RALYL: variants seen among roughly 807,000 people sequenced by gnomAD.
The protein encoded by RALYL is RALY RNA binding protein like.
In RALYL, 29 loss-of-function variants were observed where a neutral mutation model predicts 35.1. That is an observed-to-expected ratio of 0.83 (90% CI 0.61 to 1.13). The LOEUF is 1.13. Ranked by LOEUF, RALYL falls within the 50% of genes most tolerant of loss-of-function variation. The probability of loss-of-function intolerance (pLI) is 0.00; values close to 1 mark genes in which losing one functional copy is unlikely to be tolerated. For synonymous variants in RALYL, 120 were observed against 127.6 expected, an observed-to-expected ratio of 0.94 and a Z score of 0.40; for missense variants, 359 against 360.4, an observed-to-expected ratio of 1.00 and a Z score of 0.03.
chr8:84,387,118 T>TTATTGG, intron 1 of RALYL, among the ~76,000 whole-genome samples: 1 of 151,996 alleles, frequency 6.6e-6, no homozygotes, highest in South Asian at 2.1e-4. Context: ...TTGGAAGGAT[T>TTATTGG]AGAGGTAATG....
chr8:84,240,970 C>T (rs181975681), intron 1 of RALYL, among the ~76,000 whole-genome samples: 1 of 151,950 alleles, frequency 6.6e-6, no homozygotes, highest in African/African-American at 2.4e-5. Flanking sequence ...GGGAAAAATT[C>T]TATTAAATAT....
chr8:84,307,416 G>A (rs1842025208), intron 1 of RALYL, among the ~76,000 whole-genome samples: 4 of 152,048 alleles, frequency 2.6e-5, no homozygotes, highest in Non-Finnish European at 4.4e-5. Flanking sequence ...CAGAAAATTA[G>A]AGATTAAATA....
intron 8 of RALYL, among the ~76,000 whole-genome samples, chr8:84,911,763 C>T (rs2135696599): frequency 6.6e-6 from 1 of 152,206 alleles, no homozygotes; most frequent in Admixed American, 6.6e-5. Flanking sequence ...CCCATGTACC[C>T]CCTCCTTGTG....
intron 1 of RALYL, among the ~76,000 whole-genome samples, chr8:84,495,662 T>A (rs2055919729): frequency 6.6e-6 from 1 of 152,116 alleles, no homozygotes; most frequent in South Asian, 2.1e-4. Context: ...GACCTTTCAT[T>A]TTTGTTTACC....
intron 4 of RALYL, among the ~76,000 whole-genome samples, chr8:84,843,225 C>G (rs1246644765): frequency 6.6e-6 from 1 of 152,172 alleles, no homozygotes; most frequent in Admixed American, 6.5e-5. Flanking sequence ...ACCCCACTGT[C>G]TCAGCCCAAA....
chr8:84,496,060 T>C (rs895745905), intron 1 of RALYL, among the ~76,000 whole-genome samples: 1 of 152,174 alleles, frequency 6.6e-6, no homozygotes, highest in African/African-American at 2.4e-5. Flanking sequence ...TACAGGTAGA[T>C]ATTTATTTAT....
chr8:84,425,783 C>CTATGTGTGTG (rs372367035), intron 1 of RALYL, among the ~76,000 whole-genome samples: 2,364 of 144,564 alleles, frequency 0.016, 86 homozygotes, highest in African/African-American at 0.057. Context: ...AGTTTTTCTT[C>CTATGTGTGTG]TGTGTGTGTG....
rs919424681 is a variant in RALYL at position 84,730,067 on chromosome 8, C to T, written c.257-44512C>T. 1.9e-4 allele frequency among the ~76,000 whole-genome samples: 29 copies of T among 152,202 alleles called. 1 individual carries two copies. Among genetic ancestry groups the T allele is most frequent in the Admixed American group, 3.3e-4 (5 of 15,252 alleles). On this transcript the variant is annotated intron_variant, in intron 2 of 8. Coordinates refer to ENST00000521268, the MANE Select transcript of RALYL (RefSeq NM_173848.7). ...ACATCATCCTGATACCAAAGCTGGG[C>T]GGAGACACAACCAAAAAAGAGAATT...
intron 2 of RALYL, among the ~76,000 whole-genome samples, chr8:84,761,917 G>A (rs1208125500): frequency 6.6e-6 from 1 of 152,086 alleles, no homozygotes; most frequent in Admixed American, 6.6e-5. Context: ...GAGTGGTAGG[G>A]AGATGACAAT....
rs928425075 is a variant in RALYL, at chr8:84,772,175, T to A, written c.257-2404T>A. On this transcript the variant is annotated intron_variant, in intron 2 of 8. Coordinates refer to ENST00000521268, the MANE Select transcript of RALYL (RefSeq NM_173848.7). ...TATGTCAATTGTATGCATGTACAGT[T>A]TTGTCATATATACGTGTGTGTATTT... is the stretch of plus-strand genomic sequence containing the variant. 3.3e-5 allele frequency among the ~76,000 whole-genome samples: 5 copies of A among 152,102 alleles called. No individual in the cohort carries two copies. The East Asian group carries it at 9.6e-4, about 29-fold the overall frequency.
chr8:84,799,297 C>T (rs909279648), intron 3 of RALYL, among the ~76,000 whole-genome samples: 4 of 152,120 alleles, frequency 2.6e-5, no homozygotes, highest in Non-Finnish European at 4.4e-5. Flanking sequence ...CTAACAAACC[C>T]ATTGTGCCTT....
At chr8:84,531,279 G>T (rs1449618920) in intron 2 of RALYL, among the ~76,000 whole-genome samples, 1 of 152,064 alleles carries the variant, frequency 6.6e-6, no homozygotes, top group African/African-American at 2.4e-5. Context: ...AAACTATTTG[G>T]GAAGGTATGA....
At chr8:84,335,568 G>A (rs1340819234) in intron 1 of RALYL, among the ~76,000 whole-genome samples, 3 of 151,828 alleles carry the variant, frequency 2.0e-5, no homozygotes, top group African/African-American at 2.4e-5. Flanking sequence ...GTATTGAATC[G>A]TCTCTCTTAC....
chr8:84,185,162 A>T (rs1188185235), intron 1 of RALYL: 2 of 801,480 alleles, frequency 2.5e-6, no homozygotes, highest in African/African-American at 3.4e-5. Context: ...ATAGTTTCTT[A>T]TAAGATGATC....
At chr8:84,446,756 A>G (rs947009254) in intron 1 of RALYL, among the ~76,000 whole-genome samples, 2 of 152,010 alleles carry the variant, frequency 1.3e-5, no homozygotes, top group Non-Finnish European at 2.9e-5. Context: ...CAAGGTGAAT[A>G]TGAAATTTCA....
chr8:84,279,788 C>A (rs1233729381), intron 1 of RALYL, among the ~76,000 whole-genome samples: 1 of 152,140 alleles, frequency 6.6e-6, no homozygotes. Context: ...TACCTTCTTG[C>A]CTCCCTCTTA....
chr8:84,635,629 G>C (rs1054384816), intron 2 of RALYL, among the ~76,000 whole-genome samples: 15 of 151,762 alleles, frequency 9.9e-5, no homozygotes, highest in African/African-American at 3.1e-4. Context: ...TTCATATGAA[G>C]TGAAATTATG....
intron 2 of RALYL, among the ~76,000 whole-genome samples, chr8:84,599,497 G>C (rs1815402444): frequency 6.6e-6 from 1 of 151,894 alleles, no homozygotes; most frequent in South Asian, 2.1e-4. Flanking sequence ...GAAGTTAGTA[G>C]AATAACTGTA....
At chr8:84,608,913 G>C (rs369077249) in intron 2 of RALYL, among the ~76,000 whole-genome samples, 1 of 152,108 alleles carries the variant, frequency 6.6e-6, no homozygotes, top group African/African-American at 2.4e-5. Flanking sequence ...TCCACTCAAA[G>C]AGTGTAACAT....
Sources: gnomAD v4.1 joint callset for allele counts (sites outside exome capture counted in the v4.1 genomes callset) on GRCh38, gnomAD v4.1.1 for gene constraint, MANE v1.5 for transcripts, NCBI Gene and HGNC (gene_info 2026-07-23, HGNC 2026-07-21) for gene names.